Variants in SAMD12 observed in about 807,000 individuals in gnomAD.
SAMD12 encodes the protein sterile alpha motif domain-containing protein 12.
SAMD12 carries 9 observed loss-of-function variants against 15.0 expected under a neutral mutation model. The observed-to-expected ratio is 0.60, with a 90% CI of 0.36 to 1.05. The LOEUF (loss-of-function observed/expected upper bound fraction) is 1.05, where lower values mean the gene tolerates loss of function less well. Ranked by LOEUF, SAMD12 falls within the 50% of genes least tolerant of loss-of-function variation. The pLI is 0.01. For missense variants in SAMD12, 230 were observed against 234.2 expected, an observed-to-expected ratio of 0.98 and a Z score of 0.12; for synonymous variants, 86 against 90.1, an observed-to-expected ratio of 0.96 and a Z score of 0.25.
At chr8:118,304,262 T>C (rs887927529) in intron 4 of SAMD12, among the ~76,000 whole-genome samples, 26 of 152,200 alleles carry the variant, frequency 1.7e-4, no homozygotes, top group African/African-American at 6.3e-4. Context: ...GATGGGGAGA[T>C]AATATTTCTT....
At chr8:118,400,597 T>C (rs1820822721) in intron 3 of SAMD12, 1 of 152,250 alleles carries the variant, frequency 6.6e-6, no homozygotes, top group African/African-American at 2.4e-5. Context: ...ATTGTATTAT[T>C]GTCCTCTGAC....
chr8:118,228,086 A>T (rs1166678842), intron 4 of SAMD12, among the ~76,000 whole-genome samples: 1 of 152,238 alleles, frequency 6.6e-6, no homozygotes. Flanking sequence ...AGCCACATGT[A>T]GGAGAATGAA....
chr8:118,430,545 TA>T (rs980819090), intron 3 of SAMD12, among the ~76,000 whole-genome samples: 1 of 152,086 alleles, frequency 6.6e-6, no homozygotes, highest in African/African-American at 2.4e-5. Context: ...GTATTTTTAG[TA>T]GAGACAGGTT....
chr8:118,405,390 A>G (rs1443408303), intron 3 of SAMD12, among the ~76,000 whole-genome samples: 1 of 149,616 alleles, frequency 6.7e-6, no homozygotes, highest in Non-Finnish European at 1.5e-5. Flanking sequence ...CTACAGCCAT[A>G]CTCAACACCG....
chr8:118,191,409 C>CA (rs1819367842), exon 5 of SAMD12: 1 of 151,932 alleles, frequency 6.6e-6, no homozygotes, highest in Non-Finnish European at 1.5e-5. Flanking sequence ...GGCCAACACC[C>CA]ACCAAAGAGG....
chr8:118,205,105 T>C (rs561049553), intron 4 of SAMD12, among the ~76,000 whole-genome samples: 3 of 152,316 alleles, frequency 2.0e-5, no homozygotes, highest in Admixed American at 6.5e-5. Flanking sequence ...CTAAAGAGAA[T>C]AGGCTGGGTA....
intron 2 of SAMD12, among the ~76,000 whole-genome samples, chr8:118,546,772 T>C (rs1030033418): frequency 1.3e-5 from 2 of 152,106 alleles, no homozygotes; most frequent in African/African-American, 4.8e-5. Context: ...AGATCTGCAA[T>C]ATGGGGTGGG....
intron 2 of SAMD12, among the ~76,000 whole-genome samples, chr8:118,500,569 G>A (rs1182369002): frequency 6.6e-6 from 1 of 151,958 alleles, no homozygotes; most frequent in Non-Finnish European, 1.5e-5. Context: ...ACTTTGGAAG[G>A]CTGAGACAGG....
At chr8:118,596,691 C>T (rs771148538) in intron 1 of SAMD12, among the ~76,000 whole-genome samples, 7 of 152,216 alleles carry the variant, frequency 4.6e-5, no homozygotes, top group Non-Finnish European at 8.8e-5. Context: ...TGTCTTCTTC[C>T]TGCTCCATCT....
intron 4 of SAMD12, among the ~76,000 whole-genome samples, chr8:118,224,353 T>C (rs192331716): frequency 6.6e-6 from 1 of 152,358 alleles, no homozygotes; most frequent in African/African-American, 2.4e-5. Flanking sequence ...CAAATGTTAC[T>C]ATTATTATCC....
At position 118,596,114 on chromosome 8, in the gene SAMD12, C is replaced by T. The variant is rs117178826; in HGVS notation, c.14-15221G>A. Among the ~76,000 whole-genome samples, 1,489 of 152,292 alleles carry T rather than the reference C, an allele frequency of 9.8e-3. 14 individuals carry two copies. Among genetic ancestry groups the T allele is most frequent in the Middle Eastern group, 0.017 (5 of 294 alleles). ...GTTGTTGAACAACCGCTCTGTAAACCTGGATCCCAGAATAAGACACACACT... is the reference window on the plus strand; with the variant it reads ...GTTGTTGAACAACCGCTCTGTAAACTTGGATCCCAGAATAAGACACACACT... On this transcript the variant is annotated intron_variant, in intron 1 of 3. Coordinates refer to ENST00000314727, the MANE Select transcript of SAMD12 (RefSeq NM_207506.3).
At chr8:118,175,063 A>G in the SAMD12 span, among the ~76,000 whole-genome samples, 1 of 152,050 alleles carries the variant, frequency 6.6e-6, no homozygotes, top group African/African-American at 2.4e-5. Flanking sequence ...AAAACAAACA[A>G]AAACCGGGAG....
chr8:118,399,620 G>A (rs1411238635), intron 3 of SAMD12, among the ~76,000 whole-genome samples: 1 of 152,140 alleles, frequency 6.6e-6, no homozygotes, highest in African/African-American at 2.4e-5. Context: ...GGTTGGCAGA[G>A]GTCTCGTTGT....
chr8:118,184,397 G>A, the SAMD12 span, among the ~76,000 whole-genome samples: 1 of 152,068 alleles, frequency 6.6e-6, no homozygotes, highest in Non-Finnish European at 1.5e-5. Flanking sequence ...ATCACTGTGT[G>A]TATGTACCAC....
chr8:118,538,956 A>G (rs1206444746), intron 2 of SAMD12, among the ~76,000 whole-genome samples: 1 of 152,212 alleles, frequency 6.6e-6, no homozygotes, highest in Non-Finnish European at 1.5e-5. Context: ...AAAACTCAGA[A>G]AGGTTAGGAA....
intron 4 of SAMD12, among the ~76,000 whole-genome samples, chr8:118,323,776 C>G (rs767201053): frequency 1.3e-5 from 2 of 151,910 alleles, no homozygotes; most frequent in Non-Finnish European, 2.9e-5. Flanking sequence ...CTTCTTTATG[C>G]CTCACTTTCC....
chr8:118,371,479 G>A (rs1412528134), intron 4 of SAMD12, among the ~76,000 whole-genome samples: 1 of 152,024 alleles, frequency 6.6e-6, no homozygotes, highest in African/African-American at 2.4e-5. Flanking sequence ...GAACTCTGAG[G>A]ATTTGGTCAT....
At chr8:118,270,721 A>G (rs1813335883) in intron 4 of SAMD12, among the ~76,000 whole-genome samples, 3 of 152,176 alleles carry the variant, frequency 2.0e-5, no homozygotes, top group African/African-American at 4.8e-5. Flanking sequence ...AATTAATGAC[A>G]CAGTCATAAG....
At chr8:118,186,795 T>C (rs953941376), downstream of SAMD12, among the ~76,000 whole-genome samples, 2 of 151,746 alleles carry the variant, frequency 1.3e-5, no homozygotes, top group Admixed American at 6.6e-5. Context: ...TGGAAAAGGG[T>C]TGAGATTTAG....
Sources: gnomAD v4.1 joint callset for allele counts (sites outside exome capture counted in the v4.1 genomes callset) on GRCh38, gnomAD v4.1.1 for gene constraint, MANE v1.5 for transcripts, NCBI Gene and HGNC (gene_info 2026-07-23, HGNC 2026-07-21) for gene names.